Variants in SLC35F4 observed in about 807,000 individuals in gnomAD.
The protein encoded by SLC35F4 is chromosome 14 open reading frame 36.
A neutral mutation model predicts 44.2 loss-of-function variants in SLC35F4; 24 were observed. That is an observed-to-expected ratio of 0.54 (90% confidence interval 0.39 to 0.76). The LOEUF is 0.76. SLC35F4 is among the 30% of genes least tolerant of loss of function. SLC35F4 has a pLI of 0.00. For missense variants in SLC35F4, 562 were observed against 586.1 expected (o/e 0.96, Z 0.42); for synonymous variants, 238 against 223.6 (o/e 1.06, Z -0.57).
chr14:57,758,764 C>A (rs2077054617), intron 1 of SLC35F4, among the ~76,000 whole-genome samples: 1 of 151,992 alleles, frequency 6.6e-6, no homozygotes, highest in African/African-American at 2.4e-5. Context: ...ACTGTAAAAA[C>A]CCTTAACATG....
chr14:57,564,322 G>C lies in SLC35F4; in HGVS notation c.1271C>G (p.Thr424Ser). The C allele has an allele frequency of 6.2e-7, 1 of 1,611,786 alleles. No individual in the cohort carries two copies. Among genetic ancestry groups the C allele is most frequent in the Non-Finnish European group, 8.5e-7 (1 of 1,179,026 alleles). The change falls in exon 8 of 8, where the codon ACC becomes AGC. Residue 424 changes from threonine to serine, a missense_variant. Transcript: ENST00000556826. ...VIFNVVRLAA[T>S]IIICIGFLLM... is the part of the protein sequence containing the mutation. Reference sequence around the variant, plus strand: ...CAGAAACCCAATGCAGATGATGATGGTAGCAGCCAGGCGGACAACATTGAA... The same window carrying C: ...CAGAAACCCAATGCAGATGATGATGCTAGCAGCCAGGCGGACAACATTGAA...
At position 57,900,681 on chromosome 14, in the gene SLC35F4, G is replaced by T. The variant is rs141554347; in HGVS notation, n.282+81232C>A. ...CAACAAAAGCAAAAATTGACAAATAGGATCTAATTAAAGAGTTTCTGCACA... is the reference window on the plus strand; with the variant it reads ...CAACAAAAGCAAAAATTGACAAATATGATCTAATTAAAGAGTTTCTGCACA... On this transcript the variant is annotated intron_variant and non_coding_transcript_variant, in intron 1 of 1. Coordinates refer to the SLC35F4 transcript ENST00000556568. 0.03 allele frequency among the ~76,000 whole-genome samples: 4,560 copies of T among 152,208 alleles called. 428 individuals carry two copies. In the East Asian group the frequency reaches 0.39, roughly 13 times the overall value.
intron 1 of SLC35F4, among the ~76,000 whole-genome samples, chr14:57,733,785 A>T (rs1016485724): frequency 2.0e-5 from 3 of 152,088 alleles, no homozygotes; most frequent in African/African-American, 7.2e-5. Context: ...GGGCCTAGGC[A>T]TGTTATAGCC....
At chr14:57,950,149 C>A (rs924599905) in intron 1 of SLC35F4, among the ~76,000 whole-genome samples, 1 of 152,020 alleles carries the variant, frequency 6.6e-6, no homozygotes, top group Non-Finnish European at 1.5e-5. Context: ...TCTCGTCTTC[C>A]TCAGGAACAC....
intron 1 of SLC35F4, among the ~76,000 whole-genome samples, chr14:57,900,469 G>T (rs770310788): frequency 7.2e-5 from 11 of 152,138 alleles, no homozygotes; most frequent in Non-Finnish European, 1.5e-4. Flanking sequence ...CTGGGGAGGT[G>T]GTTCCCCAAG....
intron 1 of SLC35F4, among the ~76,000 whole-genome samples, chr14:57,833,249 A>G (rs1884565431): frequency 6.6e-6 from 1 of 152,230 alleles, no homozygotes; most frequent in Non-Finnish European, 1.5e-5. Flanking sequence ...TAATGAGATT[A>G]CCTTAACCCT....
At position 57,877,398 on chromosome 14, in the gene SLC35F4, G is replaced by A. The variant is rs535654373; in HGVS notation, n.282+104515C>T. Among the ~76,000 whole-genome samples, 12 of 152,168 alleles carry A rather than the reference G, an allele frequency of 7.9e-5. No individual in the cohort carries two copies. The South Asian group carries it at 1.7e-3, about 21-fold the overall frequency. ...TGTACCACATTTTTATTATCCAGTC[G>A]ACCATTGATTGCCATCTAGGTTTAT... On this transcript the variant is annotated intron_variant and non_coding_transcript_variant, in intron 1 of 1. Transcript: ENST00000556568.
At chr14:57,644,421 G>C (rs1198360134) in intron 1 of SLC35F4, among the ~76,000 whole-genome samples, 1 of 151,566 alleles carries the variant, frequency 6.6e-6, no homozygotes, top group African/African-American at 2.4e-5. Context: ...ATCTTCTTTT[G>C]AGAAGTGTCT....
intron 1 of SLC35F4, among the ~76,000 whole-genome samples, chr14:57,641,881 G>C (rs2073258656): frequency 1.3e-5 from 2 of 151,938 alleles, no homozygotes; most frequent in South Asian, 4.2e-4. Context: ...GTGGGTATAA[G>C]TAACTTCTAG....
chr14:57,735,329 A>C (rs28395471), intron 1 of SLC35F4, among the ~76,000 whole-genome samples: 13,184 of 152,252 alleles, frequency 0.087, 1,059 homozygotes, highest in African/African-American at 0.21. Flanking sequence ...AGTCAGCCCT[A>C]ATTTGTTGGC....
chr14:57,924,388 A>G (rs1023067689), intron 1 of SLC35F4, among the ~76,000 whole-genome samples: 1 of 152,022 alleles, frequency 6.6e-6, no homozygotes, highest in Non-Finnish European at 1.5e-5. Context: ...ATAACATGCA[A>G]AAGAGAGAGA....
intron 1 of SLC35F4, among the ~76,000 whole-genome samples, chr14:57,942,650 C>T (rs1464786133): frequency 2.6e-5 from 4 of 152,054 alleles, no homozygotes; most frequent in Non-Finnish European, 5.9e-5. Context: ...GCCCAATATG[C>T]TATGGAGGGA....
At chr14:57,571,791 T>A (rs1053826485) in intron 5 of SLC35F4, 103 bp downstream of exon 5, 4 of 1,412,676 alleles carry the variant, frequency 2.8e-6, no homozygotes, top group Non-Finnish European at 3.8e-6. Context: ...TTTCAACACA[T>A]CTATTTTCTT....
intron 4 of SLC35F4, chr14:57,580,886 TTTCTCAGACCCTTCGTTCCTGAGGACAG>T: frequency 5.1e-6 from 1 of 196,640 alleles, no homozygotes; most frequent in African/African-American, 2.3e-5. Flanking sequence ...AGTGGCTAAT[TTTCTCAGACCCTTCGTTCCTGAGGACAG>T]AAGGAGGTGA....
intron 1 of SLC35F4, among the ~76,000 whole-genome samples, chr14:57,728,131 A>G (rs964286900): frequency 1.3e-5 from 2 of 152,206 alleles, no homozygotes; most frequent in Non-Finnish European, 2.9e-5. Context: ...TTAACATTAT[A>G]TCATGACCTT....
At chr14:57,866,850 C>T (rs937531239), upstream of SLC35F4, among the ~76,000 whole-genome samples, 6 of 151,834 alleles carry the variant, frequency 4.0e-5, no homozygotes, top group Non-Finnish European at 5.9e-5. Context: ...GAACACCCTC[C>T]CCTCAGGTGT....
At chr14:57,948,333 G>T (rs530334291) in intron 1 of SLC35F4, among the ~76,000 whole-genome samples, 1 of 152,060 alleles carries the variant, frequency 6.6e-6, no homozygotes, top group African/African-American at 2.4e-5. Context: ...GTTATTCATA[G>T]TAGCCTTGAA....
chr14:57,586,861 C>A (rs541122388), intron 3 of SLC35F4, among the ~76,000 whole-genome samples: 73 of 149,202 alleles, frequency 4.9e-4, no homozygotes, highest in African/African-American at 1.7e-3. Flanking sequence ...TCAGAGTGAA[C>A]AGGCAACCTA....
At chr14:57,926,174 A>T (rs1475970898) in intron 1 of SLC35F4, among the ~76,000 whole-genome samples, 1 of 152,200 alleles carries the variant, frequency 6.6e-6, no homozygotes, top group Non-Finnish European at 1.5e-5. Context: ...CAGGCCAGCT[A>T]CCATTTTTAC....
Sources: allele counts gnomAD v4.1 joint callset (sites outside exome capture counted in the v4.1 genomes callset), GRCh38; gene constraint gnomAD v4.1.1; transcripts MANE v1.5; gene names NCBI Gene and HGNC (gene_info 2026-07-23, HGNC 2026-07-21).